Variants in ATP6V1C2 observed in about 807,000 individuals in gnomAD.
The protein encoded by ATP6V1C2 is ATPase H+ transporting V1 subunit C2.
ATP6V1C2 carries 45 observed loss-of-function variants against 56.8 expected under a neutral mutation model. The ratio of observed to expected loss-of-function variants is 0.79; its 90% CI spans 0.62 to 1.02. The LOEUF is 1.02. Ranked by LOEUF, ATP6V1C2 falls within the 50% of genes least tolerant of loss-of-function variation. The pLI, the probability that ATP6V1C2 is intolerant of heterozygous loss-of-function variation, is 0.00. For synonymous variants in ATP6V1C2, 220 were observed against 201.3 expected (o/e 1.09, Z -0.79); for missense variants, 463 against 519.7 (o/e 0.89, Z 1.06).
Position 10,784,178 on chromosome 2 carries a change from G to A in ATP6V1C2, c.*915G>A, listed in dbSNP as rs1665577861. The A allele has an allele frequency of 1.8e-5, 19 of 1,051,660 alleles. 1 individual carries two copies. The South Asian group carries it at 2.2e-4, about 12-fold the overall frequency. 65.1% of individuals were successfully genotyped at this position (1,051,660 alleles called of 1,614,324 possible). ...AGGCCACTGGTAGAGTCATCTGAGT[G>A]TAGAGAATGTCCCTTCACTGCTGGA... On this transcript the variant is annotated 3_prime_UTR_variant, in exon 14 of 14. Coordinates refer to ENST00000272238, the MANE Select transcript of ATP6V1C2 (RefSeq NM_001039362.2).
At chr2:10,744,217 G>A (rs894437179) in intron 3 of ATP6V1C2, 1 of 152,014 alleles carries the variant, frequency 6.6e-6, no homozygotes, top group Non-Finnish European at 1.5e-5. Context: ...ATTTGTCTAG[G>A]AGGTTTTCTG....
intron 6 of ATP6V1C2, among the ~76,000 whole-genome samples, chr2:10,770,946 T>C (rs1664561977): frequency 6.6e-6 from 1 of 152,198 alleles, no homozygotes; most frequent in Non-Finnish European, 1.5e-5. Context: ...TGGCTTCGTG[T>C]TGGGGATTCA....
intron 4 of ATP6V1C2, among the ~76,000 whole-genome samples, chr2:10,754,689 C>T (rs530027551): frequency 6.6e-6 from 1 of 152,188 alleles, no homozygotes; most frequent in South Asian, 2.1e-4. Context: ...TCTCCAGCCT[C>T]AGCCTCCCAA....
At chr2:10,770,748 C>T (rs781305087) in intron 6 of ATP6V1C2, among the ~76,000 whole-genome samples, 10 of 152,184 alleles carry the variant, frequency 6.6e-5, no homozygotes, top group Non-Finnish European at 1.0e-4. Flanking sequence ...TATAGGAGGG[C>T]GGCGTACAAA....
intron 3 of ATP6V1C2, among the ~76,000 whole-genome samples, chr2:10,746,302 G>C (rs1487619618): frequency 6.6e-6 from 1 of 151,874 alleles, no homozygotes; most frequent in Admixed American, 6.6e-5. Flanking sequence ...GCCCAGCCTT[G>C]GCTATTGTTA....
chr2:10,736,164 C>CCT (rs200411761), intron 3 of ATP6V1C2, among the ~76,000 whole-genome samples: 7,481 of 152,102 alleles, frequency 0.049, 603 homozygotes, highest in African/African-American at 0.17. Context: ...TGCATTTCTA[C>CCT]GAGTTCCCAG....
At position 10,778,689 on chromosome 2, in the gene ATP6V1C2, C is replaced by T. The variant is rs768071232; in HGVS notation, c.1061+20C>T. The T allele has an allele frequency of 2.9e-5, 47 of 1,611,982 alleles. No homozygotes were observed. The highest frequency in any genetic ancestry group is 2.8e-4 in the African/African-American group (21 of 74,884). ...GCTCAGGTGCGTGGCAGTGATGCCC[C>T]GGCTGGGACTGTCCTGAGGATGGGC... On this transcript the variant is annotated intron_variant, in intron 12 of 13. Transcript: ENST00000272238.
intron 3 of ATP6V1C2, among the ~76,000 whole-genome samples, chr2:10,731,056 A>G (rs1418130942): frequency 6.6e-6 from 1 of 151,970 alleles, no homozygotes; most frequent in Non-Finnish European, 1.5e-5. Context: ...GGCTCAAGTG[A>G]TCCTCCCGCC....
chr2:10,784,045 T>A lies in ATP6V1C2; in HGVS notation c.*782T>A, dbSNP rs1572639113. ...TATTATGTGACAGAATACGACTCAA[T>A]TCACCGGCTACAACAATTCATAGAA... On this transcript the variant is annotated 3_prime_UTR_variant, in exon 14 of 14. Transcript: ENST00000272238. 1 of 401,006 alleles carries A rather than the reference T, an allele frequency of 2.5e-6. No homozygotes were observed. Among genetic ancestry groups the A allele is most frequent in the East Asian group, 3.7e-5 (1 of 26,684 alleles). 24.8% of individuals were successfully genotyped at this position (401,006 alleles called of 1,614,324 possible). A position where few individuals can be genotyped will look rare whatever the true frequency, so the allele number is the denominator to read the frequency against.
At position 10,771,843 on chromosome 2, in the gene ATP6V1C2, A is replaced by C. The variant is rs1664629571; in HGVS notation, c.475A>C (p.Asn159His). Residue 159 changes from asparagine to histidine, a missense_variant, in exon 7 of 14, where the codon AAC becomes CAC. Coordinates refer to ENST00000272238, the MANE Select transcript of ATP6V1C2 (RefSeq NM_001039362.2). ...TTTGTTCCACCTGCCTTTTAGGGGGAACCTCTTCACCCGGACACTGAGTGA... is the reference window on the plus strand; with the variant it reads ...TTTGTTCCACCTGCCTTTTAGGGGGCACCTCTTCACCCGGACACTGAGTGA... ...LENLEKKSMG[N>H]LFTRTLSDIV... is the part of the protein sequence containing the mutation. The C allele has an allele frequency of 6.2e-7, 1 of 1,613,382 alleles. No homozygotes were observed. Among genetic ancestry groups the C allele is most frequent in the African/African-American group, 1.3e-5 (1 of 74,850 alleles).
At chr2:10,733,105 CTG>C (rs1168792006) in intron 3 of ATP6V1C2, among the ~76,000 whole-genome samples, 1 of 152,166 alleles carries the variant, frequency 6.6e-6, no homozygotes, top group Non-Finnish European at 1.5e-5. Flanking sequence ...TGAAAAATCA[CTG>C]TGCATTGTTT....
chr2:10,778,348 G>GT (rs1665131421), intron 11 of ATP6V1C2: 1 of 559,708 alleles, frequency 1.8e-6, no homozygotes, highest in African/African-American at 1.9e-5. Flanking sequence ...TGGTGGCCCC[G>GT]TGCATGCACC....
At chr2:10,732,422 T>A (rs1438256899) in intron 3 of ATP6V1C2, among the ~76,000 whole-genome samples, 2 of 151,968 alleles carry the variant, frequency 1.3e-5, no homozygotes, top group East Asian at 3.9e-4. Context: ...CAAGCCCAGC[T>A]AATTTTTGTA....
chr2:10,762,594 G>A (rs1051100968), intron 4 of ATP6V1C2, among the ~76,000 whole-genome samples: 3 of 152,030 alleles, frequency 2.0e-5, no homozygotes, highest in Non-Finnish European at 4.4e-5. Context: ...TCCCCAGCCC[G>A]ATTTCCTCCT....
chr2:10,761,255 C>T (rs1167911326), intron 4 of ATP6V1C2, among the ~76,000 whole-genome samples: 2 of 152,174 alleles, frequency 1.3e-5, no homozygotes, highest in East Asian at 1.9e-4. Context: ...CAGCACACAC[C>T]GCCCTGTCAT....
intron 1 of ATP6V1C2, 174 bp from the exon 2 acceptor site, chr2:10,722,650 G>A (rs114159719): frequency 8.9e-5 from 56 of 627,560 alleles, no homozygotes; most frequent in Non-Finnish European, 1.2e-4. Flanking sequence ...TTGGAGTTTC[G>A]GGAACACCTG....
At chr2:10,772,322 C>A (rs16856614) in intron 7 of ATP6V1C2, among the ~76,000 whole-genome samples, 30,066 of 152,026 alleles carry the variant, frequency 0.2, 3,654 homozygotes, top group East Asian at 0.28. Context: ...CAAGTGTATC[C>A]ATAGCTCTTC....
rs748230447 is a variant in ATP6V1C2, at chr2:10,777,622, C to T, written c.863C>T (p.Thr288Ile). The change falls in exon 11 of 14, where the codon ACC becomes ATC. Residue 288 changes from threonine (T) to isoleucine (I), a missense_variant. Thr to Ile is a moderately conservative substitution (Grantham distance 89). Coordinates refer to ENST00000272238, the MANE Select transcript of ATP6V1C2 (RefSeq NM_001039362.2). ...GTTGCTCTTAAAAAGGGATCATCCA[C>T]CTTCCCGGACCACAAGGTTAAGGTA... The part of the protein sequence containing the change: ...SCVALKKGSS[T>I]FPDHKVKVTP... The T allele has an allele frequency of 1.2e-6, 2 of 1,614,124 alleles. No individual in the cohort carries two copies. Among genetic ancestry groups the T allele is most frequent in the South Asian group, 2.2e-5 (2 of 91,074 alleles).
In ATP6V1C2 at chr2:10,783,210, C is replaced by T; in HGVS notation, c.1231C>T (p.Gln411Ter). Residue 411 changes from glutamine (Q) to a stop codon, truncating the protein, a stop_gained, in exon 14 of 14, where the codon CAA (glutamine) becomes TAA (stop). Transcript: ENST00000272238. LOFTEE classifies it high-confidence loss of function. The stretch of plus-strand genomic sequence containing the variant: ...GATCCCGGGACTGCAACTCAATAAC[C>T]AAGACTATTTTCCTTATGTCTACTT... ...VEIPGLQLNNQDYFPYVYFHI... is the reference protein window; with the variant it reads ...VEIPGLQLNN 1 of 1,613,508 alleles carries T rather than the reference C, an allele frequency of 6.2e-7. No homozygotes were observed. Among genetic ancestry groups the T allele is most frequent in the Non-Finnish European group, 8.5e-7 (1 of 1,179,680 alleles).
Sources: allele counts gnomAD v4.1 joint callset (sites outside exome capture counted in the v4.1 genomes callset), GRCh38; gene constraint gnomAD v4.1.1; transcripts MANE v1.5; gene names NCBI Gene and HGNC (gene_info 2026-07-23, HGNC 2026-07-21).